The following PAFAH1B1 variants were observed in gnomAD, a reference collection of about 807,000 sequenced individuals.
PAFAH1B1 encodes the protein platelet activating factor acetylhydrolase 1b regulatory subunit 1.
PAFAH1B1 carries 2 observed loss-of-function variants against 57.5 expected under a neutral mutation model. The observed-to-expected ratio is 0.03, with a 90% CI of 0.01 to 0.11. The LOEUF (loss-of-function observed/expected upper bound fraction) is 0.11. Ranked by LOEUF, PAFAH1B1 falls within the 10% of genes least tolerant of loss-of-function variation. The pLI is 1.00. For missense variants in PAFAH1B1, 257 were observed against 512.0 expected (o/e 0.50, Z 4.81); for synonymous variants, 152 against 169.6 (o/e 0.90, Z 0.81).
intron 2 of PAFAH1B1, among the ~76,000 whole-genome samples, chr17:2,652,215 C>T (rs996743044): frequency 6.6e-6 from 1 of 152,118 alleles, no homozygotes; most frequent in African/African-American, 2.4e-5. Flanking sequence ...TCGAGACCAT[C>T]CTGGCTAACA....
intron 2 of PAFAH1B1, among the ~76,000 whole-genome samples, chr17:2,652,224 C>T (rs551180271): frequency 2.0e-5 from 3 of 151,794 alleles, no homozygotes; most frequent in Non-Finnish European, 4.4e-5. Context: ...TCCTGGCTAA[C>T]ACGGTGAAAC....
intron 6 of PAFAH1B1, among the ~76,000 whole-genome samples, chr17:2,671,232 T>C (rs984691707): frequency 3.3e-5 from 5 of 151,950 alleles, no homozygotes; most frequent in African/African-American, 1.2e-4. Context: ...TTTTTGAGAC[T>C]GTGTCTCACT....
At chr17:2,668,370 T>C (rs530617295) in intron 5 of PAFAH1B1, among the ~76,000 whole-genome samples, 1 of 151,794 alleles carries the variant, frequency 6.6e-6, no homozygotes, top group African/African-American at 2.4e-5. Context: ...TTGGCCTTAC[T>C]ACTAACAGCA....
intron 6 of PAFAH1B1, among the ~76,000 whole-genome samples, chr17:2,672,285 C>CCAA (rs1328068773): frequency 1.4e-5 from 1 of 69,592 alleles, no homozygotes; most frequent in Admixed American, 2.3e-4. Flanking sequence ...CCTTGCCTCA[C>CCAA]AAAAAAAAAA....
chr17:2,680,367 A>G (rs376389234), intron 10 of PAFAH1B1, 47 bp downstream of exon 10: 11 of 1,541,934 alleles, frequency 7.1e-6, no homozygotes, highest in South Asian at 2.2e-5. Flanking sequence ...TTGGAGTGCC[A>G]GACAAACTGT....
intron 2 of PAFAH1B1, among the ~76,000 whole-genome samples, chr17:2,647,357 C>T (rs1301623037): frequency 1.3e-5 from 2 of 151,818 alleles, no homozygotes; most frequent in Non-Finnish European, 2.9e-5. Context: ...CAGAGTGAGA[C>T]TGTCTCAGAA....
At position 2,666,053 on chromosome 17, in the gene PAFAH1B1, A is replaced by G. The variant is rs2069103350; in HGVS notation, c.155A>G (p.Glu52Gly). ...ELDKKYAGLLEKKWTSVIRLQ... is the reference protein window; with the variant it reads ...ELDKKYAGLLGKKWTSVIRLQ... ...GATAAAAAGTATGCTGGTCTTTTGG[A>G]AAAAAAATGGACATCTGTTATTAGA... The change falls in exon 4 of 11, where the codon GAA becomes GGA. Residue 52 changes from glutamate (E) to glycine (G), a missense_variant. By Grantham distance (98) the Glu-to-Gly change is moderately conservative. Transcript: ENST00000397195. The G allele has an allele frequency of 4.0e-6, 6 of 1,513,980 alleles. No homozygotes were observed. Among genetic ancestry groups the G allele is most frequent in the African/African-American group, 2.7e-5 (2 of 72,834 alleles). 93.8% of individuals were successfully genotyped at this position (1,513,980 alleles called of 1,614,324 possible). A position where few individuals can be genotyped will look rare whatever the true frequency, so the allele number is the denominator to read the frequency against.
chr17:2,643,982 C>T (rs1396252885), intron 2 of PAFAH1B1, among the ~76,000 whole-genome samples: 1 of 152,180 alleles, frequency 6.6e-6, no homozygotes, highest in African/African-American at 2.4e-5. Context: ...GATCCTCCCA[C>T]GTCAGTCTTC....
At chr17:2,630,853 G>T (rs2068546745) in intron 1 of PAFAH1B1, among the ~76,000 whole-genome samples, 1 of 152,096 alleles carries the variant, frequency 6.6e-6, no homozygotes, top group Admixed American at 6.6e-5. Context: ...CTGTCTTCAA[G>T]CTGGTAATTG....
At chr17:2,677,156 AAAAAT>A (rs960405211) in intron 9 of PAFAH1B1, among the ~76,000 whole-genome samples, 28 of 152,366 alleles carry the variant, frequency 1.8e-4, no homozygotes, top group African/African-American at 6.5e-4. Flanking sequence ...CCATCTCAAA[AAAAAT>A]AAAATAAAAC....
At chr17:2,643,351 T>G (rs1363596530) in intron 2 of PAFAH1B1, among the ~76,000 whole-genome samples, 1 of 152,170 alleles carries the variant, frequency 6.6e-6, no homozygotes, top group Non-Finnish European at 1.5e-5. Context: ...ACTCCTGGGC[T>G]CAAGCTATTC....
chr17:2,626,560 C>CCT (rs1555522831), intron 1 of PAFAH1B1, among the ~76,000 whole-genome samples: 3 of 44,972 alleles, frequency 6.7e-5, no homozygotes, highest in Non-Finnish European at 1.8e-4. Context: ...TCTTCCCCCC[C>CCT]CCCCCCCCCC....
intron 4 of PAFAH1B1, 41 bp downstream of exon 4, chr17:2,666,131 TA>T (rs1212550453): frequency 4.5e-6 from 6 of 1,345,932 alleles, no homozygotes; most frequent in Non-Finnish European, 6.1e-6. Context: ...TGTATTCAGT[TA>T]TATAAACTTT....
chr17:2,658,101 C>T (rs1400088187), intron 2 of PAFAH1B1, among the ~76,000 whole-genome samples: 1 of 152,154 alleles, frequency 6.6e-6, no homozygotes, highest in African/African-American at 2.4e-5. Context: ...GCAAAATCTC[C>T]TCCTCTCTGG....
Position 2,606,810 on chromosome 17 carries a change from C to CTTTTTTTTTTTTTTTTTTTTT in PAFAH1B1, c.-191+12811_-191+12831dup, listed in dbSNP as rs770011553. Among the ~76,000 whole-genome samples, 16 of 101,714 alleles carry CTTTTTTTTTTTTTTTTTTTTT rather than the reference C, an allele frequency of 1.6e-4. 5 individuals carry two copies. Among genetic ancestry groups the CTTTTTTTTTTTTTTTTTTTTT allele is most frequent in the Non-Finnish European group, 1.4e-4 (7 of 50,330 alleles). The allele number at this position is 101,714 out of a possible 152,430, so 66.7% of individuals were successfully genotyped here. On this transcript the variant is annotated intron_variant, in intron 1 of 10. Coordinates refer to ENST00000397195, the MANE Select transcript of PAFAH1B1 (RefSeq NM_000430.4). Reference sequence around the variant, plus strand: ...ACATTTTGTCATATTTGCCTCAGAGCTTTTTTTTTTTTTTTTTTTTTTTTT... The same window carrying CTTTTTTTTTTTTTTTTTTTTT: ...ACATTTTGTCATATTTGCCTCAGAGCTTTTTTTTTTTTTTTTTTTTTTTTTTTTTTTTTTTTTTTTTTTTTT...
At chr17:2,637,111 A>G (rs902231388) in intron 1 of PAFAH1B1, among the ~76,000 whole-genome samples, 2 of 152,174 alleles carry the variant, frequency 1.3e-5, no homozygotes, top group Non-Finnish European at 2.9e-5. Flanking sequence ...AAAGGTACTC[A>G]GGAAATGGTC....
In PAFAH1B1 at chr17:2,685,427, T is replaced by C. The variant is rs2069460470; in HGVS notation, c.*3625T>C. The C allele has an allele frequency of 6.7e-6, 1 of 148,322 alleles. No homozygotes were observed. Among genetic ancestry groups the C allele is most frequent in the African/African-American group, 2.4e-5 (1 of 41,152 alleles). 9.2% of individuals were successfully genotyped at this position (148,322 alleles called of 1,614,324 possible). ...TTGAGGAAAACAGTTCCCCAGATTG[T>C]TAAGAGTTCACTGAAGATATTGACA... On this transcript the variant is annotated 3_prime_UTR_variant, in exon 11 of 11. Transcript: ENST00000397195.
At chr17:2,635,863 G>A (rs1038410686) in intron 1 of PAFAH1B1, among the ~76,000 whole-genome samples, 1 of 151,196 alleles carries the variant, frequency 6.6e-6, no homozygotes, top group Non-Finnish European at 1.5e-5. Context: ...GACTTTGGGA[G>A]GCCAAGCCAG....
chr17:2,631,760 GC>G (rs1954176095), intron 1 of PAFAH1B1, among the ~76,000 whole-genome samples: 1 of 152,198 alleles, frequency 6.6e-6, no homozygotes, highest in Non-Finnish European at 1.5e-5. Context: ...TCTTGGGGTT[GC>G]TGGTTTGTTC....
Sources: gnomAD v4.1 joint callset for allele counts (sites outside exome capture counted in the v4.1 genomes callset) on GRCh38, gnomAD v4.1.1 for gene constraint, MANE v1.5 for transcripts, NCBI Gene and HGNC (gene_info 2026-07-23, HGNC 2026-07-21) for gene names.